ZNF264: variants seen among roughly 807,000 people sequenced by gnomAD.
ZNF264 encodes zinc finger protein 264.
In ZNF264, 11 loss-of-function variants were observed where a neutral mutation model predicts 11.2. The ratio of observed to expected loss-of-function variants is 0.98; its 90% CI spans 0.62 to 1.63. ZNF264 has a LOEUF of 1.63. Among genes scored for constraint, ZNF264 ranks in the 40% most tolerant of loss-of-function variants. The pLI, the probability that ZNF264 is intolerant of heterozygous loss-of-function variation, is 0.00. For synonymous variants in ZNF264, 309 were observed against 279.8 expected (o/e 1.10, Z -1.04); for missense variants, 752 against 768.1 (o/e 0.98, Z 0.25).
chr19:57,193,795 A>G, intron 1 of ZNF264, 80 bp from the exon 2 acceptor site: 1 of 1,574,476 alleles, frequency 6.4e-7, no homozygotes, highest in Non-Finnish European at 8.6e-7. Flanking sequence ...ATCACTGTAC[A>G]CCTTTTCCAG....
intron 2 of ZNF264, among the ~76,000 whole-genome samples, chr19:57,197,406 T>G (rs924084567): frequency 6.6e-6 from 1 of 151,892 alleles, no homozygotes; most frequent in Non-Finnish European, 1.5e-5. Flanking sequence ...AGAGTAGTTA[T>G]CTGCAGAAGA....
intron 2 of ZNF264, among the ~76,000 whole-genome samples, chr19:57,203,381 C>T (rs1053750841): frequency 6.6e-6 from 1 of 152,054 alleles, no homozygotes; most frequent in Non-Finnish European, 1.5e-5. Flanking sequence ...AATTACCTGT[C>T]CCTGAGAGGA....
Position 57,216,847 on chromosome 19 carries a change from C to T in ZNF264, c.*3866C>T, listed in dbSNP as rs1271462040. On this transcript the variant is annotated 3_prime_UTR_variant, in exon 4 of 4. Coordinates refer to ENST00000263095, the MANE Select transcript of ZNF264 (RefSeq NM_003417.5). ...TATTTGGGGTTGTTTACTAGTCTTC[C>T]TATAGGTTACTTCACCTTTTTTTTT... 5 of 148,920 alleles carry T rather than the reference C, an allele frequency of 3.4e-5. No individual in the cohort carries two copies. The highest frequency in any genetic ancestry group is 6.7e-5 in the Admixed American group (1 of 14,920). 9.2% of individuals were successfully genotyped at this position (148,920 alleles called of 1,614,324 possible). A position where few individuals can be genotyped will look rare whatever the true frequency, so the allele number is the denominator to read the frequency against.
rs2087428238 is a variant in ZNF264 at position 57,222,843 on chromosome 19, G to T, written c.*9862G>T. ...ACTTGTGATTAAAGAGTATGTTATTGGAATCATGTTTGCCTGAGTTTTACT... is the reference window on the plus strand; with the variant it reads ...ACTTGTGATTAAAGAGTATGTTATTTGAATCATGTTTGCCTGAGTTTTACT... On this transcript the variant is annotated 3_prime_UTR_variant, in exon 4 of 4. Transcript: ENST00000263095. The T allele has an allele frequency of 6.5e-6, 1 of 152,686 alleles. No homozygotes were observed. The highest frequency in any genetic ancestry group is 2.4e-5 in the African/African-American group (1 of 41,416). 9.5% of individuals were successfully genotyped at this position (152,686 alleles called of 1,614,324 possible).
rs1241405521 is a variant in ZNF264, at chr19:57,222,515, TC to T, written c.*9535del. 63 of 115,264 alleles carry T rather than the reference TC, an allele frequency of 5.5e-4. No homozygotes were observed. Among genetic ancestry groups the T allele is most frequent in the African/African-American group, 2.5e-3 (62 of 25,048 alleles). The allele number at this position is 115,264 out of a possible 1,614,324, so 7.1% of individuals were successfully genotyped here. On this transcript the variant is annotated 3_prime_UTR_variant, in exon 4 of 4. Coordinates refer to ENST00000263095, the MANE Select transcript of ZNF264 (RefSeq NM_003417.5). The stretch of plus-strand genomic sequence containing the variant: ...CTAGTCTGCTCGCGTTCTCTCTCTC[TC>T]TCTCTCTATATATATATATGTATAT...
chr19:57,205,002 G>A (rs2087281280), intron 2 of ZNF264, among the ~76,000 whole-genome samples: 3 of 151,724 alleles, frequency 2.0e-5, no homozygotes, highest in Admixed American at 2.0e-4. Flanking sequence ...TGGACTTCCT[G>A]GGGATGCTGT....
rs976134321 is a variant in ZNF264, at chr19:57,214,730, G to C, written c.*1749G>C. 7 of 152,128 alleles carry C rather than the reference G, an allele frequency of 4.6e-5. 1 individual carries two copies. Among genetic ancestry groups the C allele is most frequent in the Non-Finnish European group, 1.0e-4 (7 of 68,032 alleles). The allele number at this position is 152,128 out of a possible 1,614,324, so 9.4% of individuals were successfully genotyped here. The stretch of plus-strand genomic sequence containing the variant: ...TCTATAAGGGTAAAAAATTTCCTCT[G>C]TTCCCAGTTTTCTGAGACTCTGTGT... On this transcript the variant is annotated 3_prime_UTR_variant, in exon 4 of 4. Coordinates refer to ENST00000263095, the MANE Select transcript of ZNF264 (RefSeq NM_003417.5).
intron 2 of ZNF264, among the ~76,000 whole-genome samples, chr19:57,202,710 G>A (rs1386224793): frequency 6.6e-6 from 1 of 151,884 alleles, no homozygotes; most frequent in Non-Finnish European, 1.5e-5. Flanking sequence ...CTTGCCCTAG[G>A]AGTCTCTTCA....
intron 2 of ZNF264, among the ~76,000 whole-genome samples, chr19:57,201,432 G>C (rs1415961087): frequency 6.6e-6 from 1 of 151,956 alleles, no homozygotes; most frequent in East Asian, 1.9e-4. Flanking sequence ...GATGGGAAGA[G>C]AGAATAAATA....
chr19:57,211,209 A>T, intron 3 of ZNF264, 145 bp from the exon 4 acceptor site: 4 of 855,666 alleles, frequency 4.7e-6, no homozygotes, highest in Non-Finnish European at 7.0e-6. Context: ...GATAGAAAGA[A>T]ATTGCAAACC....
rs562942187 is a variant in ZNF264 at position 57,194,064 on chromosome 19, G to A, written c.160+63G>A. On this transcript the variant is annotated intron_variant, in intron 2 of 3. Coordinates refer to ENST00000263095, the MANE Select transcript of ZNF264 (RefSeq NM_003417.5). ...TGCCACTTCCTTCATTCCATCTTCTGACTCCAGGCCTGGCTGCACAAGAAG... is the reference window on the plus strand; with the variant it reads ...TGCCACTTCCTTCATTCCATCTTCTAACTCCAGGCCTGGCTGCACAAGAAG... 3.0e-5 allele frequency: 46 copies of A among 1,548,960 alleles called. No homozygotes were observed. The South Asian group carries it at 5.0e-4, about 17-fold the overall frequency.
intron 2 of ZNF264, among the ~76,000 whole-genome samples, chr19:57,196,109 C>G: frequency 6.6e-6 from 1 of 151,862 alleles, no homozygotes; most frequent in Non-Finnish European, 1.5e-5. Context: ...ATTATGACTA[C>G]AAAAGGTCAT....
rs1207782547 is a variant in ZNF264 at position 57,214,778 on chromosome 19, T to C, written c.*1797T>C. 1 of 152,260 alleles carries C rather than the reference T, an allele frequency of 6.6e-6. No homozygotes were observed. Among genetic ancestry groups the C allele is most frequent in the Non-Finnish European group, 1.5e-5 (1 of 68,050 alleles). 9.4% of individuals were successfully genotyped at this position (152,260 alleles called of 1,614,324 possible). A position where few individuals can be genotyped will look rare whatever the true frequency, so the allele number is the denominator to read the frequency against. On this transcript the variant is annotated 3_prime_UTR_variant, in exon 4 of 4. Coordinates refer to ENST00000263095, the MANE Select transcript of ZNF264 (RefSeq NM_003417.5). Reference sequence around the variant, plus strand: ...TGTTGCTATGAATAAGTGTGGAATTTTGTTCAGTACTTTTTCTCCACCAGT... The same window carrying C: ...TGTTGCTATGAATAAGTGTGGAATTCTGTTCAGTACTTTTTCTCCACCAGT...
rs1229594570 is a variant in ZNF264 at position 57,191,536 on chromosome 19, C to G, written c.-378C>G. On this transcript the variant is annotated 5_prime_UTR_variant, in exon 1 of 4. Transcript: ENST00000263095. ...CACTTCTGTCTGGAGAGGTCTGTAG[C>G]CACTGAGGGCCCCGGTCGGGGCCGC... The G allele has an allele frequency of 4.3e-6, 1 of 230,346 alleles. No homozygotes were observed. Among genetic ancestry groups the G allele is most frequent in the African/African-American group, 2.3e-5 (1 of 44,206 alleles). The allele number at this position is 230,346 out of a possible 1,614,324, so 14.3% of individuals were successfully genotyped here.
In ZNF264 at chr19:57,211,613, A is replaced by G. The variant is rs747953530; in HGVS notation, c.516A>G (p.Gly172=). The G allele has an allele frequency of 4.3e-6, 7 of 1,614,058 alleles. No homozygotes were observed. In the African/African-American group the frequency reaches 8.0e-5, roughly 18 times the overall value. Reference sequence around the variant, plus strand: ...CTGATGGTGTGTGTTCAAGGATTGGACAGGAGCAAGTCTCTCCAGGAGATA... The same window carrying G: ...CTGATGGTGTGTGTTCAAGGATTGGGCAGGAGCAAGTCTCTCCAGGAGATA... ...GTADGVCSRI[G]QEQVSPGDRV... Residue 172 remains glycine, a synonymous_variant, in exon 4 of 4, where the codon GGA becomes GGG. Transcript: ENST00000263095.
rs764163240 is a variant in ZNF264, at chr19:57,215,519, A to G, written c.*2538A>G. ...CACTTTATATTAATGATTTGTCTCTATTCTTGATTTCTTTGATTTCTGCTC... is the reference window on the plus strand; with the variant it reads ...CACTTTATATTAATGATTTGTCTCTGTTCTTGATTTCTTTGATTTCTGCTC... On this transcript the variant is annotated 3_prime_UTR_variant, in exon 4 of 4. Transcript: ENST00000263095. 4 of 152,090 alleles carry G rather than the reference A, an allele frequency of 2.6e-5. No individual in the cohort carries two copies. The highest frequency in any genetic ancestry group is 4.4e-5 in the Non-Finnish European group (3 of 68,020). 9.4% of individuals were successfully genotyped at this position (152,090 alleles called of 1,614,324 possible).
At position 57,193,987 on chromosome 19, in the gene ZNF264, T is replaced by C. The variant is rs1309835948; in HGVS notation, c.146T>C (p.Leu49Pro). 4 of 1,611,664 alleles carry C rather than the reference T, an allele frequency of 2.5e-6. No individual in the cohort carries two copies. In the South Asian group the frequency reaches 4.4e-5, roughly 18 times the overall value. ...GAGGTGATGCTGGAAAACTGTGGGCTCCTGGTGTCTCTGGGTAAGGCCTTC... is the reference window on the plus strand; with the variant it reads ...GAGGTGATGCTGGAAAACTGTGGGCCCCTGGTGTCTCTGGGTAAGGCCTTC... The part of the protein sequence containing the change: ...YQEVMLENCG[L>P]LVSLGCPVPK... The change falls in exon 2 of 4, where the codon CTC becomes CCC. Residue 49 changes from leucine (L) to proline (P), a missense_variant. Physicochemically the swap from Leu to Pro is moderately conservative, Grantham distance 98. Transcript: ENST00000263095.
At position 57,191,745 on chromosome 19, in the gene ZNF264, C is replaced by A; in HGVS notation, c.-169C>A. ...CGCCCTGGGTCTGGAACGCGGTTGCCACCGAGGAGGCGGCGGCCCTGCGTC... is the reference window on the plus strand; with the variant it reads ...CGCCCTGGGTCTGGAACGCGGTTGCAACCGAGGAGGCGGCGGCCCTGCGTC... On this transcript the variant is annotated 5_prime_UTR_variant, in exon 1 of 4. Transcript: ENST00000263095. 2.2e-6 allele frequency: 1 copy of A among 449,292 alleles called. No individual in the cohort carries two copies. The highest frequency in any genetic ancestry group is 3.7e-6 in the Non-Finnish European group (1 of 271,718). 27.8% of individuals were successfully genotyped at this position (449,292 alleles called of 1,614,324 possible). A position where few individuals can be genotyped will look rare whatever the true frequency, so the allele number is the denominator to read the frequency against.
In ZNF264 at chr19:57,217,830, C is replaced by A. The variant is rs1568479337; in HGVS notation, c.*4849C>A. ...TTAAAGAGACAGAGTCTCACTCTGT[C>A]ACCCAGGCTGGAGTGCAGTGGCACG... is the stretch of plus-strand genomic sequence containing the variant. On this transcript the variant is annotated 3_prime_UTR_variant, in exon 4 of 4. Coordinates refer to ENST00000263095, the MANE Select transcript of ZNF264 (RefSeq NM_003417.5). The A allele has an allele frequency of 7.1e-6, 1 of 140,858 alleles. No individual in the cohort carries two copies. Among genetic ancestry groups the A allele is most frequent in the South Asian group, 2.3e-4 (1 of 4,422 alleles). 8.7% of individuals were successfully genotyped at this position (140,858 alleles called of 1,614,324 possible).
Sources: gnomAD v4.1 joint callset for allele counts (sites outside exome capture counted in the v4.1 genomes callset) on GRCh38, gnomAD v4.1.1 for gene constraint, MANE v1.5 for transcripts, NCBI Gene and HGNC (gene_info 2026-07-23, HGNC 2026-07-21) for gene names.